The following PLCB4 variants were observed in gnomAD, a reference collection of about 807,000 sequenced individuals.
PLCB4 encodes 1-phosphatidylinositol 4,5-bisphosphate phosphodiesterase beta-4.
Under a neutral mutation model 178.8 loss-of-function variants are expected in PLCB4, and 77 were observed. The observed-to-expected ratio is 0.43, with a 90% CI of 0.36 to 0.52. The LOEUF is 0.52. Ranked by LOEUF, PLCB4 falls within the 20% of genes least tolerant of loss-of-function variation. The pLI is 0.00. For missense variants in PLCB4, 1,024 were observed against 1,453.4 expected (o/e 0.70, Z 4.80); for synonymous variants, 496 against 490.8 (o/e 1.01, Z -0.14).
At chr20:9,171,609 A>G (rs1369309389) in intron 2 of PLCB4, among the ~76,000 whole-genome samples, 1 of 152,204 alleles carries the variant, frequency 6.6e-6, no homozygotes, top group African/African-American at 2.4e-5. Context: ...CACTTGCTAC[A>G]GTCAGTTTTG....
rs75474686 is a variant in PLCB4 at position 9,240,575 on chromosome 20, G to C, written c.-16+23123G>C. 4.6e-5 allele frequency among the ~76,000 whole-genome samples: 7 copies of C among 152,236 alleles called. No individual in the cohort carries two copies. The East Asian group carries it at 1.4e-3, about 29-fold the overall frequency. On this transcript the variant is annotated intron_variant, in intron 3 of 39. Coordinates refer to ENST00000378473, the MANE Select transcript of PLCB4 (RefSeq NM_001377142.1). ...TGTGTTCTGTGCTGTGTCTGAGCTT[G>C]ATTTTTTCCTGCTATTCCCTGCGCC... is the stretch of plus-strand genomic sequence containing the variant.
chr20:9,427,098 G>A (rs1043301126), intron 28 of PLCB4, among the ~76,000 whole-genome samples: 5 of 152,228 alleles, frequency 3.3e-5, no homozygotes, highest in South Asian at 2.1e-4. Flanking sequence ...GGTAGCACAC[G>A]CCTGTAATCC....
chr20:9,444,784 A>G (rs896255460), intron 32 of PLCB4, among the ~76,000 whole-genome samples: 1 of 152,082 alleles, frequency 6.6e-6, no homozygotes, highest in Non-Finnish European at 1.5e-5. Context: ...AAATTATTTC[A>G]CTAATAACAT....
chr20:9,155,854 G>A (rs138509162), intron 2 of PLCB4, among the ~76,000 whole-genome samples: 41 of 152,200 alleles, frequency 2.7e-4, no homozygotes, highest in African/African-American at 8.4e-4. Flanking sequence ...TACCTACATC[G>A]TGCCCACTTT....
At chr20:9,338,116 G>A in intron 6 of PLCB4, 49 bp downstream of exon 6, 1 of 1,238,712 alleles carries the variant, frequency 8.1e-7, no homozygotes, top group South Asian at 1.2e-5. Flanking sequence ...TACTTATATT[G>A]GAAATGGCCA....
chr20:9,441,119 G>A (rs1266961409), intron 30 of PLCB4, among the ~76,000 whole-genome samples: 1 of 152,178 alleles, frequency 6.6e-6, no homozygotes, highest in African/African-American at 2.4e-5. Context: ...TTGGACGTCT[G>A]GGAATGCCTG....
chr20:9,385,458 C>T (rs1208519393), intron 14 of PLCB4, among the ~76,000 whole-genome samples: 5 of 151,290 alleles, frequency 3.3e-5, no homozygotes, highest in Admixed American at 2.6e-4. Context: ...CTCCTCACCT[C>T]CCAGATGGGG....
intron 9 of PLCB4, among the ~76,000 whole-genome samples, chr20:9,369,205 C>T (rs755381642): frequency 4.1e-4 from 63 of 152,114 alleles, no homozygotes; most frequent in Non-Finnish European, 1.3e-4. Context: ...TTCATGCCCA[C>T]GTTGATCAGT....
At chr20:9,192,203 A>G (rs2093413401) in intron 2 of PLCB4, among the ~76,000 whole-genome samples, 2 of 152,084 alleles carry the variant, frequency 1.3e-5, no homozygotes, top group African/African-American at 2.4e-5. Flanking sequence ...GATTGATTCC[A>G]TGGGGGTTTG....
intron 7 of PLCB4, among the ~76,000 whole-genome samples, chr20:9,350,564 C>CT (rs1320450277): frequency 1.4e-4 from 21 of 151,186 alleles, no homozygotes; most frequent in African/African-American, 2.7e-4. Context: ...TTCTTTTTCT[C>CT]TTTTTTTTTC....
intron 38 of PLCB4, among the ~76,000 whole-genome samples, chr20:9,476,187 C>A (rs2044530508): frequency 6.6e-6 from 1 of 152,204 alleles, no homozygotes; most frequent in South Asian, 2.1e-4. Flanking sequence ...TCTGGATCCT[C>A]ACCTTCTAGG....
intron 30 of PLCB4, among the ~76,000 whole-genome samples, chr20:9,443,767 T>C (rs1254660133): frequency 6.6e-6 from 1 of 152,066 alleles, no homozygotes; most frequent in Non-Finnish European, 1.5e-5. Flanking sequence ...CTTCTCAGGC[T>C]CTGCTTGTAG....
intron 20 of PLCB4, among the ~76,000 whole-genome samples, chr20:9,404,922 A>G (rs961882455): frequency 1.3e-5 from 2 of 152,216 alleles, no homozygotes; most frequent in East Asian, 3.9e-4. Flanking sequence ...TTAAGGTTTC[A>G]GTATATGAAT....
In PLCB4 at chr20:9,409,176, C is replaced by A. The variant is rs1197940571; in HGVS notation, c.1994C>A (p.Thr665Asn). 1 of 1,593,112 alleles carries A rather than the reference C, an allele frequency of 6.3e-7. No homozygotes were observed. The highest frequency in any genetic ancestry group is 2.3e-5 in the East Asian group (1 of 44,434). ...GCQMVSLNYQ[T>N]PDLAMQLNQG... ...CAGATGGTTTCACTGAACTATCAAA[C>A]CCCAGGTAGGAGCTGATGTCCAGTG... The change falls in exon 24 of 40, where the codon ACC (threonine) becomes AAC (asparagine). Residue 665 changes from threonine (T) to asparagine (N), a missense_variant. Coordinates refer to ENST00000378473, the MANE Select transcript of PLCB4 (RefSeq NM_001377142.1).
intron 2 of PLCB4, among the ~76,000 whole-genome samples, chr20:9,172,263 C>A (rs1364075073): frequency 6.6e-6 from 1 of 152,104 alleles, no homozygotes; most frequent in African/African-American, 2.4e-5. Flanking sequence ...AGTATGTTTT[C>A]AGCTTCAACT....
Position 9,459,780 on chromosome 20 carries a change from A to C in PLCB4, c.3218A>C (p.Gln1073Pro). 1 of 1,611,230 alleles carries C rather than the reference A, an allele frequency of 6.2e-7. No homozygotes were observed. The highest frequency in any genetic ancestry group is 8.5e-7 in the Non-Finnish European group (1 of 1,177,750). ...KKLLINAHEQ[Q>P]TQQLKLSHDR... is the part of the protein sequence containing the mutation. ...CTACTCATCAATGCCCACGAGCAGC[A>C]AACCCAGCAGCTGAAACTGTCCCAT... Residue 1073 changes from glutamine (Q) to proline (P), a missense_variant, in exon 35 of 40, where the codon CAA (glutamine) becomes CCA (proline). Physicochemically the swap from Gln to Pro is moderately conservative, Grantham distance 76. Coordinates refer to ENST00000378473, the MANE Select transcript of PLCB4 (RefSeq NM_001377142.1).
chr20:9,470,725 C>G (rs1389061958), intron 36 of PLCB4, among the ~76,000 whole-genome samples: 2 of 152,076 alleles, frequency 1.3e-5, no homozygotes, highest in Non-Finnish European at 2.9e-5. Flanking sequence ...TATGGGGGTA[C>G]GTGAGAAAAC....
At chr20:9,090,700 C>T (rs908206642) in intron 1 of PLCB4, among the ~76,000 whole-genome samples, 1 of 152,060 alleles carries the variant, frequency 6.6e-6, no homozygotes, top group Non-Finnish European at 1.5e-5. Context: ...AGACTGTGAG[C>T]ATATTGTGTA....
chr20:9,415,254 T>G (rs964602120), intron 25 of PLCB4, among the ~76,000 whole-genome samples: 9 of 152,216 alleles, frequency 5.9e-5, no homozygotes, highest in Admixed American at 3.3e-4. Context: ...TATTTCAAAT[T>G]TTTATTTTCC....
Sources: allele counts gnomAD v4.1 joint callset (sites outside exome capture counted in the v4.1 genomes callset), GRCh38; gene constraint gnomAD v4.1.1; transcripts MANE v1.5; gene names NCBI Gene and HGNC (gene_info 2026-07-23, HGNC 2026-07-21).